The following SLIT3 variants were observed in gnomAD, a reference collection of about 807,000 sequenced individuals.
SLIT3 encodes the protein slit homolog 3 protein.
A neutral mutation model predicts 184.0 loss-of-function variants in SLIT3; 68 were observed. That is an observed-to-expected ratio of 0.37 (90% CI 0.30 to 0.45). The LOEUF is 0.45. Among genes scored for constraint, SLIT3 ranks in the 20% least tolerant of loss-of-function variants. SLIT3 has a pLI of 1.00. For synonymous variants in SLIT3, 831 were observed against 828.6 expected (o/e 1.00, Z -0.05); for missense variants, 1,707 against 2,026.0 (o/e 0.84, Z 3.02).
chr5:168,877,901 T>C (rs1759794594), intron 5 of SLIT3, among the ~76,000 whole-genome samples: 1 of 152,232 alleles, frequency 6.6e-6, no homozygotes, highest in African/African-American at 2.4e-5. Context: ...GTCTTTTTCT[T>C]ATTAGGCTTG....
At chr5:169,139,198 T>C (rs1761634614) in intron 4 of SLIT3, among the ~76,000 whole-genome samples, 1 of 152,244 alleles carries the variant, frequency 6.6e-6, no homozygotes, top group African/African-American at 2.4e-5. Context: ...GAAGACTTTC[T>C]TGTGTACCTA....
At chr5:168,847,297 A>G (rs1758507393) in intron 5 of SLIT3, among the ~76,000 whole-genome samples, 1 of 152,254 alleles carries the variant, frequency 6.6e-6, no homozygotes, top group Non-Finnish European at 1.5e-5. Flanking sequence ...GAAGACATTT[A>G]TTATAACTGA....
intron 4 of SLIT3, among the ~76,000 whole-genome samples, chr5:169,170,267 T>G (rs1332179652): frequency 6.6e-6 from 1 of 152,158 alleles, no homozygotes; most frequent in East Asian, 1.9e-4. Flanking sequence ...AAGACCATGA[T>G]GTTGGTCCCA....
chr5:169,269,817 C>T (rs996693409), intron 1 of SLIT3, among the ~76,000 whole-genome samples: 1 of 152,234 alleles, frequency 6.6e-6, no homozygotes, highest in Non-Finnish European at 1.5e-5. Context: ...TCCATGAAAC[C>T]ATATCTTGCT....
At chr5:169,262,653 A>T (rs924936592) in intron 1 of SLIT3, among the ~76,000 whole-genome samples, 5 of 152,160 alleles carry the variant, frequency 3.3e-5, no homozygotes, top group Non-Finnish European at 4.4e-5. Flanking sequence ...CTGCCAGATT[A>T]ATTTCCCCCA....
intron 17 of SLIT3, 58 bp from the exon 18 acceptor site, chr5:168,753,156 G>C: frequency 6.3e-7 from 1 of 1,579,836 alleles, no homozygotes. Context: ...TGTCCCAAAT[G>C]GTGCCACGGT....
intron 4 of SLIT3, among the ~76,000 whole-genome samples, chr5:169,121,493 G>A (rs1032244628): frequency 2.0e-5 from 3 of 152,136 alleles, no homozygotes; most frequent in Non-Finnish European, 4.4e-5. Context: ...TGAGGCTGCT[G>A]CGTCCTGTCA....
At chr5:168,845,435 G>C (rs1456890538) in intron 5 of SLIT3, among the ~76,000 whole-genome samples, 1 of 152,166 alleles carries the variant, frequency 6.6e-6, no homozygotes, top group Non-Finnish European at 1.5e-5. Flanking sequence ...TTGCCTTAAA[G>C]ATGCACCACT....
chr5:169,177,443 A>C (rs1484238918), intron 4 of SLIT3, among the ~76,000 whole-genome samples: 1 of 152,164 alleles, frequency 6.6e-6, no homozygotes, highest in Non-Finnish European at 1.5e-5. Context: ...GGAAATCAGC[A>C]CTTCTTGGGA....
intron 4 of SLIT3, among the ~76,000 whole-genome samples, chr5:169,085,602 A>G (rs1759260821): frequency 6.6e-6 from 1 of 152,176 alleles, no homozygotes; most frequent in Non-Finnish European, 1.5e-5. Flanking sequence ...AATTAATGAA[A>G]TGGAAATAAG....
At chr5:169,225,578 A>G (rs912728831) in intron 3 of SLIT3, among the ~76,000 whole-genome samples, 2 of 152,248 alleles carry the variant, frequency 1.3e-5, no homozygotes, top group African/African-American at 4.8e-5. Flanking sequence ...TGCCAAGCCA[A>G]CACCACTAAC....
intron 3 of SLIT3, among the ~76,000 whole-genome samples, chr5:169,201,409 A>T (rs1763900327): frequency 6.6e-6 from 1 of 152,196 alleles, no homozygotes; most frequent in South Asian, 2.1e-4. Context: ...CAAAACATGT[A>T]CCTCATGGGA....
chr5:169,071,443 C>T lies in SLIT3; in HGVS notation c.413+122036G>A, dbSNP rs551705110. Among the ~76,000 whole-genome samples, 7 of 152,190 alleles carry T rather than the reference C, an allele frequency of 4.6e-5. No homozygotes were observed. In the South Asian group the frequency reaches 8.3e-4, roughly 18 times the overall value. ...TGGGCAAAATAAAGAGGAGAAAGAG[C>T]GTTTGAGGGAAAGGTAGTTCATAAA... On this transcript the variant is annotated intron_variant, in intron 4 of 35. Coordinates refer to ENST00000519560, the MANE Select transcript of SLIT3 (RefSeq NM_003062.4).
At chr5:168,865,352 G>A (rs894004269) in intron 5 of SLIT3, among the ~76,000 whole-genome samples, 3 of 152,026 alleles carry the variant, frequency 2.0e-5, no homozygotes, top group African/African-American at 7.2e-5. Context: ...CCATCAACAG[G>A]GGAATGGATT....
chr5:168,895,478 C>A (rs939809376), intron 4 of SLIT3, among the ~76,000 whole-genome samples: 2 of 152,148 alleles, frequency 1.3e-5, no homozygotes, highest in African/African-American at 2.4e-5. Context: ...ATCCTGGGGC[C>A]ATCTGCTGAT....
chr5:168,832,555 C>T (rs921467515), intron 6 of SLIT3, among the ~76,000 whole-genome samples: 1 of 152,178 alleles, frequency 6.6e-6, no homozygotes, highest in Non-Finnish European at 1.5e-5. Context: ...CTCTGAACAG[C>T]CTTCTGGGCT....
intron 4 of SLIT3, among the ~76,000 whole-genome samples, chr5:169,157,595 C>A (rs1762350736): frequency 6.6e-6 from 1 of 152,082 alleles, no homozygotes; most frequent in Admixed American, 6.5e-5. Context: ...CCAGCTAAAA[C>A]AGAAGATTCA....
At chr5:169,277,912 A>G (rs1766866324) in intron 1 of SLIT3, among the ~76,000 whole-genome samples, 1 of 151,998 alleles carries the variant, frequency 6.6e-6, no homozygotes, top group Non-Finnish European at 1.5e-5. Context: ...TACACTTATT[A>G]TTTTCTGGGT....
At chr5:168,982,760 G>A (rs879733051) in intron 4 of SLIT3, among the ~76,000 whole-genome samples, 4 of 152,146 alleles carry the variant, frequency 2.6e-5, no homozygotes, top group Admixed American at 2.6e-4. Flanking sequence ...TTGGGGTACA[G>A]CCTTGTCTCT....
Sources: allele counts gnomAD v4.1 joint callset (sites outside exome capture counted in the v4.1 genomes callset), GRCh38; gene constraint gnomAD v4.1.1; transcripts MANE v1.5; gene names NCBI Gene and HGNC (gene_info 2026-07-23, HGNC 2026-07-21).